Variants in TBCK observed in about 807,000 individuals in gnomAD.
TBCK encodes TBC domain-containing protein kinase-like protein.
A neutral mutation model predicts 113.4 loss-of-function variants in TBCK; 99 were observed. The observed-to-expected ratio is 0.87, with a 90% CI of 0.74 to 1.03. TBCK has a LOEUF of 1.03. TBCK is among the 50% of genes least tolerant of loss of function. The pLI, the probability that TBCK is intolerant of heterozygous loss-of-function variation, is 0.00. For synonymous variants in TBCK, 369 were observed against 370.8 expected, an observed-to-expected ratio of 1.00 and a Z score of 0.05; for missense variants, 1,045 against 1,061.3, an observed-to-expected ratio of 0.98 and a Z score of 0.21.
chr4:106,091,859 T>C (rs1740287540), intron 25 of TBCK, among the ~76,000 whole-genome samples: 1 of 152,192 alleles, frequency 6.6e-6, no homozygotes, highest in Non-Finnish European at 1.5e-5. Context: ...AACCACATCC[T>C]GCTGATTGGT....
chr4:106,207,381 G>T (rs1044181301), intron 20 of TBCK, among the ~76,000 whole-genome samples: 4 of 152,146 alleles, frequency 2.6e-5, no homozygotes, highest in Non-Finnish European at 4.4e-5. Flanking sequence ...TAGTTCTTGA[G>T]TAGGAAACTC....
intron 24 of TBCK, among the ~76,000 whole-genome samples, chr4:106,103,803 C>T (rs1741828489): frequency 6.6e-6 from 1 of 152,162 alleles, no homozygotes; most frequent in South Asian, 2.1e-4. Flanking sequence ...GCTGAAACAT[C>T]CAGGTATTTG....
intron 24 of TBCK, among the ~76,000 whole-genome samples, chr4:106,109,491 C>G (rs192270395): frequency 6.6e-6 from 1 of 152,144 alleles, no homozygotes; most frequent in Non-Finnish European, 1.5e-5. Context: ...ACCATCTGAT[C>G]TCTGACAAAG....
chr4:106,181,078 G>A lies in TBCK; in HGVS notation c.2060-9808C>T, dbSNP rs1752315960. 2.0e-5 allele frequency among the ~76,000 whole-genome samples: 3 copies of A among 152,162 alleles called. No individual in the cohort carries two copies. In the South Asian group the frequency reaches 6.3e-4, roughly 32 times the overall value. On this transcript the variant is annotated intron_variant, in intron 22 of 25. Coordinates refer to ENST00000394708, the MANE Select transcript of TBCK (RefSeq NM_001163435.3). ...ATCACCATTCTAACTGGTGTGAGAT[G>A]GTCTCATTGTGGTTTTGATTTGCAT... is the stretch of plus-strand genomic sequence containing the variant.
chr4:106,223,791 T>C (rs1413981765), intron 19 of TBCK, among the ~76,000 whole-genome samples: 1 of 152,168 alleles, frequency 6.6e-6, no homozygotes, highest in African/African-American at 2.4e-5. Context: ...TGAAGCTGCC[T>C]TTCTCCTCAA....
chr4:106,251,996 T>A lies in TBCK; in HGVS notation c.467A>T (p.Tyr156Phe), dbSNP rs757526126. ...DVDFPIGYPS[Y>F]LAPEVIAQGI... Reference sequence around the variant, plus strand: ...CTGTGCAATTACCTCAGGGGCCAAGTACGAGGGATACCTGTAATGATACAT... The same window carrying A: ...CTGTGCAATTACCTCAGGGGCCAAGAACGAGGGATACCTGTAATGATACAT... The change falls in exon 6 of 26, where the codon TAC becomes TTC. Residue 156 changes from tyrosine to phenylalanine, a missense_variant. Transcript: ENST00000394708. 1 of 1,606,624 alleles carries A rather than the reference T, an allele frequency of 6.2e-7. No individual in the cohort carries two copies. The highest frequency in any genetic ancestry group is 1.1e-5 in the South Asian group (1 of 89,696).
At chr4:106,296,416 G>C (rs1444547699) in intron 2 of TBCK, among the ~76,000 whole-genome samples, 1 of 152,082 alleles carries the variant, frequency 6.6e-6, no homozygotes. Context: ...TGAAGGTTTG[G>C]TGAAAATGAA....
At chr4:106,086,954 T>C (rs998751000) in intron 25 of TBCK, among the ~76,000 whole-genome samples, 6 of 152,182 alleles carry the variant, frequency 3.9e-5, no homozygotes, top group Non-Finnish European at 7.4e-5. Context: ...GAGTTATTTA[T>C]GACAAACTCA....
chr4:106,177,440 C>T (rs1197231670), intron 22 of TBCK, among the ~76,000 whole-genome samples: 1 of 151,776 alleles, frequency 6.6e-6, no homozygotes, highest in African/African-American at 2.4e-5. Flanking sequence ...GACATTTCCA[C>T]AACGTGGTCT....
intron 23 of TBCK, among the ~76,000 whole-genome samples, chr4:106,120,887 G>A (rs1036158292): frequency 9.9e-5 from 15 of 152,180 alleles, no homozygotes; most frequent in African/African-American, 3.6e-4. Flanking sequence ...AGAAAAACTG[G>A]AAACTCTAAA....
At chr4:106,090,287 G>T (rs1176662855) in intron 25 of TBCK, among the ~76,000 whole-genome samples, 3 of 152,200 alleles carry the variant, frequency 2.0e-5, no homozygotes, top group Non-Finnish European at 2.9e-5. Flanking sequence ...GCTGTGGCCG[G>T]AGCCTGAGTG....
At chr4:106,135,802 G>A (rs146094485) in intron 23 of TBCK, among the ~76,000 whole-genome samples, 2,250 of 141,540 alleles carry the variant, frequency 0.016, 416 homozygotes, top group Non-Finnish European at 0.027. Flanking sequence ...TGACAATGGA[G>A]AGACTAGTCT....
At chr4:106,080,480 T>C (rs1371365394) in intron 25 of TBCK, among the ~76,000 whole-genome samples, 1 of 152,172 alleles carries the variant, frequency 6.6e-6, no homozygotes, top group Non-Finnish European at 1.5e-5. Context: ...TGCAGAAGAT[T>C]GAAACTGGAT....
At chr4:106,191,901 T>C (rs1753711730) in intron 22 of TBCK, among the ~76,000 whole-genome samples, 1 of 152,272 alleles carries the variant, frequency 6.6e-6, no homozygotes. Context: ...CTAGAAAGGA[T>C]AAAATTACCA....
chr4:106,268,384 C>T (rs1336335562), intron 3 of TBCK, among the ~76,000 whole-genome samples: 2 of 151,978 alleles, frequency 1.3e-5, no homozygotes, highest in East Asian at 1.9e-4. Flanking sequence ...TCAACTATGA[C>T]TCCGTATATC....
At chr4:106,105,651 C>G (rs1444277012) in intron 24 of TBCK, among the ~76,000 whole-genome samples, 1 of 152,318 alleles carries the variant, frequency 6.6e-6, no homozygotes, top group Non-Finnish European at 1.5e-5. Context: ...AAAAATACCT[C>G]ACTAACGTAA....
intron 2 of TBCK, among the ~76,000 whole-genome samples, chr4:106,304,064 A>G (rs1350768711): frequency 2.0e-5 from 3 of 152,162 alleles, no homozygotes; most frequent in East Asian, 1.9e-4. Flanking sequence ...CTGAATATGT[A>G]TATTTGGCCA....
At chr4:106,311,225 AC>A (rs1768164674) in intron 1 of TBCK, among the ~76,000 whole-genome samples, 2 of 151,650 alleles carry the variant, frequency 1.3e-5, no homozygotes, top group African/African-American at 4.8e-5. Flanking sequence ...ACACACACAC[AC>A]ACACACACAC....
chr4:106,142,194 GGATAT>G (rs1747207611), intron 23 of TBCK, among the ~76,000 whole-genome samples: 1 of 96,682 alleles, frequency 1.0e-5, no homozygotes, highest in Non-Finnish European at 2.7e-5. Context: ...AATTTCTGTA[GGATAT>G]CTAAACAATA....
Sources: allele counts gnomAD v4.1 joint callset (sites outside exome capture counted in the v4.1 genomes callset), GRCh38; gene constraint gnomAD v4.1.1; transcripts MANE v1.5; gene names NCBI Gene and HGNC (gene_info 2026-07-23, HGNC 2026-07-21).